Variants in PCMTD1 observed in about 807,000 individuals in gnomAD.
PCMTD1 encodes the protein protein-L-isoaspartate (D-aspartate) O-methyltransferase domain containing 1, also known as protein-L-isoaspartate O-methyltransferase domain-containing protein 1.
PCMTD1 carries 12 observed loss-of-function variants against 37.6 expected under a neutral mutation model. That is an observed-to-expected ratio of 0.32 (90% CI 0.20 to 0.52). PCMTD1 has a LOEUF of 0.52. PCMTD1 is among the 20% of genes least tolerant of loss of function. The pLI is 0.97. For missense variants in PCMTD1, 235 were observed against 421.3 expected (o/e 0.56, Z 3.87); for synonymous variants, 117 against 135.8 (o/e 0.86, Z 0.96).
At chr8:51,890,907 G>A (rs2038926984) in intron 1 of PCMTD1, among the ~76,000 whole-genome samples, 1 of 152,154 alleles carries the variant, frequency 6.6e-6, no homozygotes, top group Non-Finnish European at 1.5e-5. Flanking sequence ...GGATTACATG[G>A]CAGAAGGACT....
chr8:51,820,771 C>A, intron 5 of PCMTD1, 53 bp from the exon 6 acceptor site: 1 of 1,374,024 alleles, frequency 7.3e-7, no homozygotes, highest in Non-Finnish European at 9.6e-7. Flanking sequence ...AAAACATTAT[C>A]TATTGTTTAT....
chr8:51,883,981 T>C (rs1004266182), intron 1 of PCMTD1, among the ~76,000 whole-genome samples: 1 of 152,230 alleles, frequency 6.6e-6, no homozygotes, highest in African/African-American at 2.4e-5. Flanking sequence ...TCTAGTTCGC[T>C]GTCATGCATC....
intron 1 of PCMTD1, among the ~76,000 whole-genome samples, chr8:51,884,218 T>C (rs540092450): frequency 1.1e-3 from 169 of 152,290 alleles, no homozygotes; most frequent in Non-Finnish European, 2.0e-3. Flanking sequence ...CTTAAAGCTA[T>C]AGACAGAGCC....
intron 1 of PCMTD1, among the ~76,000 whole-genome samples, chr8:51,869,573 T>C (rs577267068): frequency 1.2e-4 from 18 of 152,244 alleles, no homozygotes; most frequent in African/African-American, 4.1e-4. Context: ...GTTACTTCAG[T>C]CACAATTTTT....
At chr8:51,864,725 G>C (rs1327006417) in intron 1 of PCMTD1, among the ~76,000 whole-genome samples, 1 of 152,026 alleles carries the variant, frequency 6.6e-6, no homozygotes, top group Non-Finnish European at 1.5e-5. Flanking sequence ...AGTTCTAAAA[G>C]GGAAGTTTAC....
chr8:51,887,465 A>G (rs913871977), intron 1 of PCMTD1, among the ~76,000 whole-genome samples: 3 of 152,316 alleles, frequency 2.0e-5, no homozygotes, highest in Admixed American at 2.0e-4. Context: ...CAGACTTGGA[A>G]TTTATTTTCT....
chr8:51,868,637 T>C (rs999213347), intron 1 of PCMTD1, among the ~76,000 whole-genome samples: 1 of 151,992 alleles, frequency 6.6e-6, no homozygotes, highest in Admixed American at 6.6e-5. Context: ...AAAAATACAT[T>C]TAATAAGACA....
chr8:51,871,251 G>A (rs1360150631), intron 1 of PCMTD1, among the ~76,000 whole-genome samples: 1 of 152,206 alleles, frequency 6.6e-6, no homozygotes, highest in Non-Finnish European at 1.5e-5. Context: ...AAGAAAAACA[G>A]TCAAGGACAG....
At chr8:51,856,026 C>T (rs142169970) in intron 2 of PCMTD1, among the ~76,000 whole-genome samples, 409 of 152,164 alleles carry the variant, frequency 2.7e-3, no homozygotes, top group African/African-American at 8.9e-3. Context: ...AACTGACCAC[C>T]CTGGATCTCC....
At chr8:51,870,300 C>G (rs2038620017) in intron 1 of PCMTD1, 1 of 152,188 alleles carries the variant, frequency 6.6e-6, no homozygotes, top group South Asian at 2.1e-4. Flanking sequence ...CTCCTCATGT[C>G]CTCAAAGCTC....
chr8:51,838,719 CTA>C (rs992915000), intron 3 of PCMTD1, among the ~76,000 whole-genome samples: 3 of 152,054 alleles, frequency 2.0e-5, no homozygotes, highest in African/African-American at 4.8e-5. Flanking sequence ...TTCCATAAAC[CTA>C]TAGAGGTAAA....
intron 4 of PCMTD1, 36 bp from the exon 5 acceptor site, chr8:51,831,603 T>A (rs768811269): frequency 1.9e-6 from 3 of 1,588,600 alleles, no homozygotes; most frequent in Non-Finnish European, 2.6e-6. Context: ...AGTGAACAAC[T>A]TAATCCCAAC....
intron 1 of PCMTD1, among the ~76,000 whole-genome samples, chr8:51,868,837 GAAAATAAAGTAAAA>G (rs1272353660): frequency 6.6e-6 from 1 of 152,078 alleles, no homozygotes; most frequent in Admixed American, 6.6e-5. Context: ...CAGAAAACAT[GAAAATAAAGTAAAA>G]TTAAAATTTT....
intron 1 of PCMTD1, among the ~76,000 whole-genome samples, chr8:51,862,351 T>TAC (rs375960391): frequency 0.018 from 2,600 of 141,132 alleles, 25 homozygotes; most frequent in Middle Eastern, 0.04. Flanking sequence ...ACATGTTTTA[T>TAC]ACACATACAC....
At chr8:51,842,336 T>G (rs1358756220) in intron 3 of PCMTD1, among the ~76,000 whole-genome samples, 1 of 152,134 alleles carries the variant, frequency 6.6e-6, no homozygotes, top group Admixed American at 6.5e-5. Context: ...AAAACATGTT[T>G]GTATTTTATT....
intron 1 of PCMTD1, among the ~76,000 whole-genome samples, chr8:51,888,460 A>T (rs1407387966): frequency 6.6e-6 from 1 of 152,182 alleles, no homozygotes; most frequent in Admixed American, 6.5e-5. Context: ...TGATTTTCGT[A>T]ATGCTCCCAC....
At chr8:51,850,205 A>G (rs574081913) in intron 2 of PCMTD1, 34 of 615,296 alleles carry the variant, frequency 5.5e-5, no homozygotes, top group South Asian at 4.9e-4. Flanking sequence ...CCACTGTATA[A>G]TAGTAGTCCC....
At chr8:51,825,842 A>C (rs2037913826) in intron 5 of PCMTD1, among the ~76,000 whole-genome samples, 1 of 152,222 alleles carries the variant, frequency 6.6e-6, no homozygotes, top group Non-Finnish European at 1.5e-5. Flanking sequence ...GCAATCATTA[A>C]AAAGGAAACA....
intron 1 of PCMTD1, chr8:51,896,238 C>T (rs1398834874): frequency 6.6e-6 from 1 of 152,030 alleles, no homozygotes; most frequent in East Asian, 1.9e-4. Flanking sequence ...GAGCCACTGC[C>T]CCCGGCCGCC....
Sources: gnomAD v4.1 joint callset for allele counts (sites outside exome capture counted in the v4.1 genomes callset) on GRCh38, gnomAD v4.1.1 for gene constraint, MANE v1.5 for transcripts, NCBI Gene and HGNC (gene_info 2026-07-23, HGNC 2026-07-21) for gene names.